Variants in BTC observed in about 807,000 individuals in gnomAD.
BTC encodes probetacellulin.
A neutral mutation model predicts 18.1 loss-of-function variants in BTC; 13 were observed. The ratio of observed to expected loss-of-function variants is 0.72; its 90% CI spans 0.47 to 1.14. BTC has a LOEUF of 1.14. Ranked by LOEUF, BTC falls within the 50% of genes most tolerant of loss-of-function variation. The probability of loss-of-function intolerance (pLI) is 0.00; values close to 1 mark genes in which losing one functional copy is unlikely to be tolerated. For synonymous variants in BTC, 83 were observed against 79.4 expected (o/e 1.05, Z -0.24); for missense variants, 247 against 224.2 (o/e 1.10, Z -0.65).
At chr4:74,750,096 AAAAT>A (rs1484634045) in intron 4 of BTC, among the ~76,000 whole-genome samples, 5 of 152,132 alleles carry the variant, frequency 3.3e-5, no homozygotes, top group African/African-American at 4.8e-5. Flanking sequence ...ACTCTGTCTC[AAAAT>A]AAATAAATAA....
intron 2 of BTC, among the ~76,000 whole-genome samples, chr4:74,759,388 C>T (rs1724689989): frequency 1.3e-5 from 2 of 152,160 alleles, no homozygotes; most frequent in South Asian, 4.2e-4. Flanking sequence ...TTACCCTTTT[C>T]CAACTCAAAT....
intron 1 of BTC, among the ~76,000 whole-genome samples, chr4:74,793,951 G>A (rs1046803193): frequency 1.3e-5 from 2 of 151,524 alleles, no homozygotes; most frequent in Non-Finnish European, 2.9e-5. Context: ...GCGCCGCCAG[G>A]CCCTCTGCTG....
intron 1 of BTC, among the ~76,000 whole-genome samples, chr4:74,777,418 T>C (rs1725205934): frequency 6.6e-6 from 1 of 152,180 alleles, no homozygotes; most frequent in African/African-American, 2.4e-5. Context: ...AAAAACTAGA[T>C]TCTCAGCCTC....
chr4:74,777,174 T>A (rs1305870723), intron 1 of BTC, among the ~76,000 whole-genome samples: 1 of 152,172 alleles, frequency 6.6e-6, no homozygotes, highest in Non-Finnish European at 1.5e-5. Flanking sequence ...AGATTTATAA[T>A]TAAGATTGAG....
At chr4:74,773,616 CT>C (rs34447690) in intron 1 of BTC, among the ~76,000 whole-genome samples, 176 of 145,596 alleles carry the variant, frequency 1.2e-3, no homozygotes, top group Non-Finnish European at 1.2e-3. Flanking sequence ...TAGACACAAA[CT>C]TTTTTTTTTT....
rs1051149535 is a variant in BTC, at chr4:74,783,582, C to T, written c.64+10680G>A. ...TGTTTGGGAATGTGCTGGGGCTATT[C>T]GGCTCTTTTTTTTTTTTTTTTTTTT... On this transcript the variant is annotated intron_variant, in intron 1 of 5. Coordinates refer to ENST00000395743, the MANE Select transcript of BTC (RefSeq NM_001729.4). 5.7e-3 allele frequency among the ~76,000 whole-genome samples: 541 copies of T among 95,020 alleles called. 1 individual carries two copies. The highest frequency in any genetic ancestry group is 0.021 in the African/African-American group (502 of 23,380). 62.3% of individuals were successfully genotyped at this position (95,020 alleles called of 152,430 possible). A position where few individuals can be genotyped will look rare whatever the true frequency, so the allele number is the denominator to read the frequency against.
At chr4:74,785,366 C>T (rs191436262) in intron 1 of BTC, among the ~76,000 whole-genome samples, 80 of 152,030 alleles carry the variant, frequency 5.3e-4, no homozygotes, top group African/African-American at 1.2e-3. Context: ...TTTTTCAAAA[C>T]GCCAGTTCCT....
intron 1 of BTC, among the ~76,000 whole-genome samples, chr4:74,792,008 A>ACACAC (rs1560728322): frequency 0.024 from 2,553 of 105,356 alleles, 46 homozygotes; most frequent in Non-Finnish European, 0.033. Context: ...CACACACACA[A>ACACAC]ACACTAGTGT....
chr4:74,757,489 G>T (rs1449720958), intron 2 of BTC, among the ~76,000 whole-genome samples: 4 of 152,104 alleles, frequency 2.6e-5, no homozygotes, highest in Non-Finnish European at 5.9e-5. Flanking sequence ...ATTTCTTCCA[G>T]AAATAACTGC....
intron 5 of BTC, 83 bp from the exon 6 acceptor site, chr4:74,746,758 G>T (rs1553955527): frequency 6.6e-6 from 1 of 150,734 alleles, no homozygotes; most frequent in African/African-American, 2.4e-5. Context: ...TCCAGAGCCA[G>T]CCATTTTGTT....
chr4:74,784,690 T>C lies in BTC; in HGVS notation c.64+9572A>G, dbSNP rs987270463. ...TGCATCTATTGAGATAATCATGTGG[T>C]TTTTGTCTTTAGTTCTGTTTATATG... On this transcript the variant is annotated intron_variant, in intron 1 of 5. Transcript: ENST00000395743. Among the ~76,000 whole-genome samples, 7 of 152,278 alleles carry C rather than the reference T, an allele frequency of 4.6e-5. No homozygotes were observed. In the East Asian group the frequency reaches 1.3e-3, roughly 29 times the overall value.
intron 3 of BTC, among the ~76,000 whole-genome samples, chr4:74,751,745 A>T (rs373770982): frequency 6.6e-6 from 1 of 152,312 alleles, no homozygotes; most frequent in South Asian, 2.1e-4. Context: ...AAGGTACATA[A>T]AAAGTTTGGG....
intron 1 of BTC, among the ~76,000 whole-genome samples, chr4:74,780,890 G>T (rs922191219): frequency 7.4e-6 from 1 of 135,330 alleles, no homozygotes; most frequent in Non-Finnish European, 1.5e-5. Flanking sequence ...AGTCTACTGA[G>T]AGTTTCTTTT....
chr4:74,792,677 C>A (rs1711705623), intron 1 of BTC, among the ~76,000 whole-genome samples: 3 of 152,236 alleles, frequency 2.0e-5, no homozygotes, highest in Non-Finnish European at 4.4e-5. Flanking sequence ...TCCAGTAAAG[C>A]ATGCTCATTC....
At chr4:74,776,694 G>C (rs961888375) in intron 1 of BTC, among the ~76,000 whole-genome samples, 1 of 152,164 alleles carries the variant, frequency 6.6e-6, no homozygotes, top group East Asian at 1.9e-4. Flanking sequence ...TAGTACACCA[G>C]CTGGGTCAAC....
Position 74,745,335 on chromosome 4 carries a change from A to G in BTC, c.*1342T>C, listed in dbSNP as rs1724261707. 6.6e-6 allele frequency: 1 copy of G among 152,226 alleles called. No individual in the cohort carries two copies. The highest frequency in any genetic ancestry group is 6.5e-5 in the Admixed American group (1 of 15,286). 9.4% of individuals were successfully genotyped at this position (152,226 alleles called of 1,614,324 possible). ...AATATGCGATTTCAGCATTTGTCTG[A>G]ATTCTCCACTTCACTATGGAATCTA... On this transcript the variant is annotated 3_prime_UTR_variant, in exon 6 of 6. Coordinates refer to ENST00000395743, the MANE Select transcript of BTC (RefSeq NM_001729.4).
chr4:74,748,073 T>C lies in BTC; in HGVS notation c.505A>G (p.Asn169Asp). Reference sequence around the variant, plus strand: ...ATATTTGTCTCTTCAATATCTTCATTGATAGGAGTTATATCTTTACCCAGA... The same window carrying C: ...ATATTTGTCTCTTCAATATCTTCATCGATAGGAGTTATATCTTTACCCAGA... ...ETLGKDITPI[N>D]EDIEETNIA The change falls in exon 5 of 6, where the codon AAT (asparagine) becomes GAT (aspartate). Residue 169 changes from asparagine (N) to aspartate (D), a missense_variant. Physicochemically the swap from Asn to Asp is conservative, Grantham distance 23 (BLOSUM62 1). Coordinates refer to ENST00000395743, the MANE Select transcript of BTC (RefSeq NM_001729.4). 3 of 1,605,836 alleles carry C rather than the reference T, an allele frequency of 1.9e-6. No homozygotes were observed. Among genetic ancestry groups the C allele is most frequent in the South Asian group, 1.1e-5 (1 of 90,182 alleles).
Position 74,794,494 on chromosome 4 carries a change from C to G in BTC, c.-169G>C. ...CCTGGCTACAAGGCAGGGAAACACCCAGGGCGGGAGGCCGGCCGGCTCCGT... is the reference window on the plus strand; with the variant it reads ...CCTGGCTACAAGGCAGGGAAACACCGAGGGCGGGAGGCCGGCCGGCTCCGT... On this transcript the variant is annotated 5_prime_UTR_variant, in exon 1 of 6. Coordinates refer to ENST00000395743, the MANE Select transcript of BTC (RefSeq NM_001729.4). 1.3e-6 allele frequency: 1 copy of G among 771,008 alleles called. No homozygotes were observed. Among genetic ancestry groups the G allele is most frequent in the Non-Finnish European group, 2.0e-6 (1 of 504,214 alleles). 47.8% of individuals were successfully genotyped at this position (771,008 alleles called of 1,614,324 possible). A position where few individuals can be genotyped will look rare whatever the true frequency, so the allele number is the denominator to read the frequency against.
At chr4:74,756,320 G>A (rs955401700) in intron 2 of BTC, among the ~76,000 whole-genome samples, 1 of 152,108 alleles carries the variant, frequency 6.6e-6, no homozygotes, top group African/African-American at 2.4e-5. Flanking sequence ...GAGAAGAGAG[G>A]TTTTTTGTTT....
Sources: gnomAD v4.1 joint callset for allele counts (sites outside exome capture counted in the v4.1 genomes callset) on GRCh38, gnomAD v4.1.1 for gene constraint, MANE v1.5 for transcripts, NCBI Gene and HGNC (gene_info 2026-07-23, HGNC 2026-07-21) for gene names.